NUDT9: variants seen among roughly 807,000 people sequenced by gnomAD.
The protein encoded by NUDT9 is nudix hydrolase 9.
Under a neutral mutation model 41.0 loss-of-function variants are expected in NUDT9, and 31 were observed. The ratio of observed to expected loss-of-function variants is 0.76; its 90% confidence interval spans 0.57 to 1.02. The LOEUF (loss-of-function observed/expected upper bound fraction) is 1.02, where lower values mean the gene tolerates loss of function less well. NUDT9 is among the 50% of genes least tolerant of loss of function. NUDT9 has a pLI of 0.00. For missense variants in NUDT9, 380 were observed against 431.4 expected (o/e 0.88, Z 1.06); for synonymous variants, 146 against 147.6 (o/e 0.99, Z 0.08).
In NUDT9 at chr4:87,454,459, A is replaced by C. The variant is rs532604875; in HGVS notation, c.874+4A>C. 6.3e-7 allele frequency: 1 copy of C among 1,576,516 alleles called. No homozygotes were observed. The highest frequency in any genetic ancestry group is 1.1e-5 in the South Asian group (1 of 90,308). ...GTGAACTACCATGACGAAACAGGTA[A>C]CTTTATATTTATTAAACTGGCTGGG... On this transcript the variant is annotated splice_donor_region_variant and intron_variant, in intron 7 of 7. Transcript: ENST00000302174.
rs188660683 is a variant in NUDT9, at chr4:87,448,448, G to A, written c.531-694G>A. Among the ~76,000 whole-genome samples, 594 of 151,898 alleles carry A rather than the reference G, an allele frequency of 3.9e-3. 16 individuals carry two copies. The highest frequency in any genetic ancestry group is 2.7e-3 in the East Asian group (14 of 5,144). On this transcript the variant is annotated intron_variant, in intron 4 of 7. Coordinates refer to ENST00000302174, the MANE Select transcript of NUDT9 (RefSeq NM_024047.5). ...TGTGAGTCACCACGCCTGGCCCAAA[G>A]CAAATCTTACCATGCCTTTTTCACT...
intron 6 of NUDT9, among the ~76,000 whole-genome samples, chr4:87,453,861 CTT>C (rs533107265): frequency 1.8e-4 from 25 of 136,194 alleles, no homozygotes; most frequent in Admixed American, 4.4e-4. Flanking sequence ...TTCTTTCTTT[CTT>C]TTTTTTTTTT....
At chr4:87,439,670 C>A (rs376229480) in intron 3 of NUDT9, among the ~76,000 whole-genome samples, 6 of 151,644 alleles carry the variant, frequency 4.0e-5, no homozygotes, top group African/African-American at 1.5e-4. Flanking sequence ...AAACAAACAA[C>A]AAAAAAACCA....
At chr4:87,449,294 T>G (rs1722608206) in intron 5 of NUDT9, 41 bp downstream of exon 5, 1 of 1,023,658 alleles carries the variant, frequency 9.8e-7, no homozygotes, top group Admixed American at 1.7e-5. Flanking sequence ...TTCCTTTTAG[T>G]TGCTTTACTT....
chr4:87,435,847 A>G (rs1410179330), intron 2 of NUDT9, among the ~76,000 whole-genome samples: 1 of 152,206 alleles, frequency 6.6e-6, no homozygotes. Context: ...TAAGGTGTAC[A>G]ATGTGATATT....
In NUDT9 at chr4:87,435,040, G is replaced by C. The variant is rs1286970851; in HGVS notation, c.167G>C (p.Gly56Ala). 3.7e-6 allele frequency: 6 copies of C among 1,613,896 alleles called. No individual in the cohort carries two copies. In the Admixed American group the frequency reaches 8.3e-5, roughly 22 times the overall value. ...LNTNVMSGSN[G>A]SKENSHNKAR... is the part of the protein sequence containing the mutation. ...ACCAACGTCATGTCTGGTTCTAATG[G>C]TTCCAAAGAAAATTCTCACAATAAG... The change falls in exon 2 of 8, where the codon GGT becomes GCT. Residue 56 changes from glycine (G) to alanine (A), a missense_variant. Physicochemically the swap from Gly to Ala is moderately conservative, Grantham distance 60 (BLOSUM62 0). Coordinates refer to ENST00000302174, the MANE Select transcript of NUDT9 (RefSeq NM_024047.5).
Position 87,423,003 on chromosome 4 carries a change from A to G in NUDT9, c.98A>G (p.Gln33Arg), listed in dbSNP as rs762476466. The change falls in exon 1 of 8, where the codon CAG becomes CGG. Residue 33 changes from glutamine to arginine, a missense_variant. Coordinates refer to ENST00000302174, the MANE Select transcript of NUDT9 (RefSeq NM_024047.5). ...AGGTCCTCGCGCTGCCGCGGCATCCAGGCGTTCAGGTATTCCACCCTCCTA... is the reference window on the plus strand; with the variant it reads ...AGGTCCTCGCGCTGCCGCGGCATCCGGGCGTTCAGGTATTCCACCCTCCTA... ...TIRSSRCRGI[Q>R]AFRNSFSSSW... The G allele has an allele frequency of 1.2e-6, 2 of 1,612,664 alleles. No individual in the cohort carries two copies. Among genetic ancestry groups the G allele is most frequent in the South Asian group, 1.1e-5 (1 of 90,860 alleles).
intron 4 of NUDT9, among the ~76,000 whole-genome samples, chr4:87,448,138 ATTTTTT>A (rs1213818782): frequency 2.2e-5 from 2 of 92,386 alleles, no homozygotes; most frequent in Non-Finnish European, 2.0e-5. Context: ...TTAAAAGCAA[ATTTTTT>A]TTTTTTTTTT....
chr4:87,451,535 G>T (rs995869083), intron 5 of NUDT9, 54 bp from the exon 6 acceptor site: 19 of 1,433,720 alleles, frequency 1.3e-5, no homozygotes, highest in Non-Finnish European at 1.7e-5. Context: ...ATAAATATTT[G>T]TTGAACAAAT....
chr4:87,445,047 G>A (rs1406845085), intron 4 of NUDT9, among the ~76,000 whole-genome samples: 1 of 152,176 alleles, frequency 6.6e-6, no homozygotes, highest in African/African-American at 2.4e-5. Context: ...TAGATGAATT[G>A]TTAAAAGTAT....
At chr4:87,450,724 T>C (rs1289400487) in intron 5 of NUDT9, among the ~76,000 whole-genome samples, 1 of 152,212 alleles carries the variant, frequency 6.6e-6, no homozygotes, top group African/African-American at 2.4e-5. Flanking sequence ...TTCACTTAGG[T>C]TGAAAGCAAT....
intron 1 of NUDT9, 124 bp downstream of exon 1, chr4:87,423,136 C>T (rs1012569864): frequency 1.7e-6 from 1 of 578,736 alleles, no homozygotes; most frequent in African/African-American, 2.0e-5. Flanking sequence ...TAGTCATATA[C>T]AAGTTTTCAA....
intron 4 of NUDT9, among the ~76,000 whole-genome samples, chr4:87,443,872 G>A (rs1340105366): frequency 6.6e-6 from 1 of 152,212 alleles, no homozygotes; most frequent in African/African-American, 2.4e-5. Context: ...AAATGCCAAA[G>A]TTAGGAGTAT....
At chr4:87,446,990 A>G (rs183297730) in intron 4 of NUDT9, among the ~76,000 whole-genome samples, 7 of 152,120 alleles carry the variant, frequency 4.6e-5, no homozygotes, top group African/African-American at 1.7e-4. Flanking sequence ...TGAGCTTTCT[A>G]AAATACAAAC....
chr4:87,424,550 C>G (rs1014448001), intron 1 of NUDT9, among the ~76,000 whole-genome samples: 2 of 152,186 alleles, frequency 1.3e-5, no homozygotes, highest in Admixed American at 6.5e-5. Flanking sequence ...GCGTGAGCCA[C>G]CGCGCCCGGC....
chr4:87,439,366 A>G (rs1722096705), intron 3 of NUDT9, among the ~76,000 whole-genome samples: 1 of 151,876 alleles, frequency 6.6e-6, no homozygotes, highest in African/African-American at 2.4e-5. Flanking sequence ...TTATAAAACC[A>G]TCAGATTGGC....
rs201080036 is a variant in NUDT9, at chr4:87,448,036, A to T, written c.531-1106A>T. Reference sequence around the variant, plus strand: ...GACAGAGCAAGACCCTGTCTTTTTAAAAAAAAAAAAAAAAAGATTGAGAAG... The same window carrying T: ...GACAGAGCAAGACCCTGTCTTTTTATAAAAAAAAAAAAAAAGATTGAGAAG... On this transcript the variant is annotated intron_variant, in intron 4 of 7. Transcript: ENST00000302174. Among the ~76,000 whole-genome samples, 277 of 145,802 alleles carry T rather than the reference A, an allele frequency of 1.9e-3. 6 individuals are homozygous for T. The East Asian group carries it at 0.048, about 25-fold the overall frequency.
intron 2 of NUDT9, among the ~76,000 whole-genome samples, chr4:87,438,043 G>A (rs1398596623): frequency 2.0e-5 from 3 of 150,126 alleles, no homozygotes; most frequent in Non-Finnish European, 4.4e-5. Flanking sequence ...GGGTTAGTAA[G>A]TTTAATAATA....
chr4:87,451,814 A>G (rs1722725266), intron 6 of NUDT9, 79 bp downstream of exon 6: 1 of 1,217,774 alleles, frequency 8.2e-7, no homozygotes, highest in African/African-American at 1.5e-5. Context: ...GGAAATCTGT[A>G]TGTCCTTCTC....
Sources: allele counts gnomAD v4.1 joint callset (sites outside exome capture counted in the v4.1 genomes callset), GRCh38; gene constraint gnomAD v4.1.1; transcripts MANE v1.5; gene names NCBI Gene and HGNC (gene_info 2026-07-23, HGNC 2026-07-21).